FOXRED1: variants seen among roughly 807,000 people sequenced by gnomAD.
FOXRED1 encodes the protein FAD-dependent oxidoreductase domain-containing protein 1.
Under a neutral mutation model 57.8 loss-of-function variants are expected in FOXRED1, and 52 were observed. The observed-to-expected ratio is 0.90, with a 90% CI of 0.72 to 1.13. FOXRED1 has a LOEUF of 1.13. Ranked by LOEUF, FOXRED1 falls within the 50% of genes most tolerant of loss-of-function variation. The probability of loss-of-function intolerance (pLI) is 0.00; values close to 1 mark genes in which losing one functional copy is unlikely to be tolerated. For synonymous variants in FOXRED1, 271 were observed against 248.3 expected, an observed-to-expected ratio of 1.09 and a Z score of -0.86; for missense variants, 589 against 625.2, an observed-to-expected ratio of 0.94 and a Z score of 0.62.
chr11:126,275,128 C>G lies in FOXRED1; in HGVS notation c.631+107C>G, dbSNP rs966324593. ...CCACAGCCAAGCTGAAGGAGGAACACTTCCCTCCTGTGTCACGGGAACTGC... is the reference window on the plus strand; with the variant it reads ...CCACAGCCAAGCTGAAGGAGGAACAGTTCCCTCCTGTGTCACGGGAACTGC... On this transcript the variant is annotated intron_variant, in intron 5 of 10. Coordinates refer to ENST00000263578, the MANE Select transcript of FOXRED1 (RefSeq NM_017547.4). This position sits in a 1 kb window ranked among gnomAD's most constrained non-coding sequence, Gnocchi z 5.9. 1 of 853,236 alleles carries G rather than the reference C, an allele frequency of 1.2e-6. No individual in the cohort carries two copies. The highest frequency in any genetic ancestry group is 2.0e-6 in the Non-Finnish European group (1 of 501,748). The allele number at this position is 853,236 out of a possible 1,614,324, so 52.9% of individuals were successfully genotyped here.
rs1380253796 is a variant in FOXRED1, at chr11:126,277,995, G to A, written c.*306G>A. The A allele has an allele frequency of 1.7e-6, 1 of 589,476 alleles. No individual in the cohort carries two copies. Among genetic ancestry groups the A allele is most frequent in the South Asian group, 1.5e-5 (1 of 65,714 alleles). The allele number at this position is 589,476 out of a possible 1,614,324, so 36.5% of individuals were successfully genotyped here. A position where few individuals can be genotyped will look rare whatever the true frequency, so the allele number is the denominator to read the frequency against. On this transcript the variant is annotated 3_prime_UTR_variant, in exon 11 of 11. Transcript: ENST00000263578. The surrounding 1 kb of genome is among the most constrained non-coding windows in gnomAD (Gnocchi z 6.8). ...ACTGGCTTCATCCTGGCACTGACCA[G>A]GAAAGACTGCCTCTGACCCTCTTAG...
chr11:126,271,814 C>T lies in FOXRED1; in HGVS notation c.306+157C>T, dbSNP rs1353812369. Reference sequence around the variant, plus strand: ...GCTTTGGACTTTGTTGAGAAATTTTCCTAGGATCTTCCTCAGTCGAACCAG... The same window carrying T: ...GCTTTGGACTTTGTTGAGAAATTTTTCTAGGATCTTCCTCAGTCGAACCAG... On this transcript the variant is annotated intron_variant, in intron 2 of 10. Transcript: ENST00000263578. The surrounding 1 kb of genome is among the most constrained non-coding windows in gnomAD (Gnocchi z 5.3). The T allele has an allele frequency of 4.3e-6, 3 of 693,756 alleles. No homozygotes were observed. The highest frequency in any genetic ancestry group is 7.7e-6 in the Non-Finnish European group (3 of 387,634). The allele number at this position is 693,756 out of a possible 1,614,324, so 43.0% of individuals were successfully genotyped here.
rs1951103479 is a variant in FOXRED1, at chr11:126,275,469, C to T, written c.733+41C>T. The stretch of plus-strand genomic sequence containing the variant: ...TTTCCTCTAGCAACCGGGGCATAGG[C>T]CTAGACTAGGTCTTATCTTCTCACT... On this transcript the variant is annotated intron_variant, in intron 6 of 10. Coordinates refer to ENST00000263578, the MANE Select transcript of FOXRED1 (RefSeq NM_017547.4). This position sits in a 1 kb window ranked among gnomAD's most constrained non-coding sequence, Gnocchi z 5.9. 7.4e-7 allele frequency: 1 copy of T among 1,349,088 alleles called. No individual in the cohort carries two copies. Among genetic ancestry groups the T allele is most frequent in the African/African-American group, 1.4e-5 (1 of 69,908 alleles). 83.6% of individuals were successfully genotyped at this position (1,349,088 alleles called of 1,614,324 possible).
chr11:126,271,809 A>C lies in FOXRED1; in HGVS notation c.306+152A>C. The C allele has an allele frequency of 5.7e-6, 4 of 707,742 alleles. No individual in the cohort carries two copies. The highest frequency in any genetic ancestry group is 1.0e-5 in the Non-Finnish European group (4 of 398,962). The allele number at this position is 707,742 out of a possible 1,614,324, so 43.8% of individuals were successfully genotyped here. A position where few individuals can be genotyped will look rare whatever the true frequency, so the allele number is the denominator to read the frequency against. ...ATTGTGCTTTGGACTTTGTTGAGAA[A>C]TTTTCCTAGGATCTTCCTCAGTCGA... is the stretch of plus-strand genomic sequence containing the variant. On this transcript the variant is annotated intron_variant, in intron 2 of 10. Transcript: ENST00000263578. The surrounding 1 kb of genome is among the most constrained non-coding windows in gnomAD (Gnocchi z 5.3).
At chr11:126,269,565 G>T (rs1950918193) in intron 1 of FOXRED1, 1 of 653,932 alleles carries the variant, frequency 1.5e-6, no homozygotes, top group Non-Finnish European at 2.7e-6. Flanking sequence ...ATTAAGTCCT[G>T]CCCGTGTTCA....
At position 126,277,725 on chromosome 11, in the gene FOXRED1, T is replaced by C. The variant is rs1449578166; in HGVS notation, c.*36T>C. On this transcript the variant is annotated 3_prime_UTR_variant, in exon 11 of 11. Coordinates refer to ENST00000263578, the MANE Select transcript of FOXRED1 (RefSeq NM_017547.4). This position sits in a 1 kb window ranked among gnomAD's most constrained non-coding sequence, Gnocchi z 6.8. ...TCTGCACTGGCTCCACTGGCTTGCATCCTGGCTGTGTTCACAGCCTTGTTT... is the reference window on the plus strand; with the variant it reads ...TCTGCACTGGCTCCACTGGCTTGCACCCTGGCTGTGTTCACAGCCTTGTTT... The C allele has an allele frequency of 5.0e-6, 8 of 1,610,976 alleles. No homozygotes were observed. The highest frequency in any genetic ancestry group is 6.8e-6 in the Non-Finnish European group (8 of 1,178,142).
In FOXRED1 at chr11:126,274,604, C is replaced by T. The variant is rs139736373; in HGVS notation, c.537-323C>T. ...AGGAGGTTGCAGTGAGCCAAGATCG[C>T]GCCACTGCACTCCAGCCTGGGTGAC... On this transcript the variant is annotated intron_variant, in intron 4 of 10. Transcript: ENST00000263578. The surrounding 1 kb of genome is among the most constrained non-coding windows in gnomAD (Gnocchi z 4.8). 499 of 347,790 alleles carry T rather than the reference C, an allele frequency of 1.4e-3. 1 individual carries two copies. The East Asian group carries it at 0.015, about 10-fold the overall frequency. 21.5% of individuals were successfully genotyped at this position (347,790 alleles called of 1,614,324 possible). A position where few individuals can be genotyped will look rare whatever the true frequency, so the allele number is the denominator to read the frequency against.
intron 1 of FOXRED1, among the ~76,000 whole-genome samples, chr11:126,269,861 C>T (rs1041228244): frequency 6.6e-6 from 1 of 151,812 alleles, no homozygotes; most frequent in Non-Finnish European, 1.5e-5. Flanking sequence ...GTGGTGGGCT[C>T]CTGTAATCCC....
rs1951030766 is a variant in FOXRED1 at position 126,272,979 on chromosome 11, C to G, written c.317C>G (p.Ala106Gly). Residue 106 changes from alanine (A) to glycine (G), a missense_variant, in exon 3 of 11, where the codon GCC (alanine) becomes GGC (glycine). Ala to Gly is a moderately conservative substitution (Grantham distance 60, BLOSUM62 0). Coordinates refer to ENST00000263578, the MANE Select transcript of FOXRED1 (RefSeq NM_017547.4). The surrounding 1 kb of genome is among the most constrained non-coding windows in gnomAD (Gnocchi z 4.6). The part of the protein sequence containing the change: ...VVERDHTYSQ[A>G]STGLSVGGIC... ...CTTGTCTTTCCACAGTATTCACAGG[C>G]CTCCACTGGGCTCTCAGTAGGTGGG... 6.4e-7 allele frequency: 1 copy of G among 1,558,014 alleles called. No individual in the cohort carries two copies. Among genetic ancestry groups the G allele is most frequent in the Non-Finnish European group, 8.9e-7 (1 of 1,128,798 alleles).
rs762365627 is a variant in FOXRED1 at position 126,276,516 on chromosome 11, C to T, written c.1094C>T (p.Pro365Leu). ...LGSNYLGGRS[P>L]TEQEEPDPAN... is the part of the protein sequence containing the mutation. ...AGCAACTACCTAGGTGGTCGTAGCC[C>T]CACTGAGGTAAGCTGAGTGGGGTGG... Residue 365 changes from proline (P) to leucine (L), a missense_variant, in exon 9 of 11, where the codon CCC becomes CTC. By Grantham distance (98) the Pro-to-Leu change is moderately conservative. Coordinates refer to ENST00000263578, the MANE Select transcript of FOXRED1 (RefSeq NM_017547.4). 2.5e-6 allele frequency: 4 copies of T among 1,606,114 alleles called. No individual in the cohort carries two copies. The highest frequency in any genetic ancestry group is 2.2e-5 in the South Asian group (2 of 90,980).
At position 126,274,647 on chromosome 11, in the gene FOXRED1, A is replaced by G. The variant is rs1951080973; in HGVS notation, c.537-280A>G. On this transcript the variant is annotated intron_variant, in intron 4 of 10. Coordinates refer to ENST00000263578, the MANE Select transcript of FOXRED1 (RefSeq NM_017547.4). This position sits in a 1 kb window ranked among gnomAD's most constrained non-coding sequence, Gnocchi z 4.8. ...TGGGTGACAGAGCCAGACTCATTGA[A>G]AAAAAAAAAAAGAAGTCATGGAATA... 3.0e-6 allele frequency: 1 copy of G among 331,598 alleles called. No homozygotes were observed. Among genetic ancestry groups the G allele is most frequent in the East Asian group, 6.9e-5 (1 of 14,598 alleles). The allele number at this position is 331,598 out of a possible 1,614,324, so 20.5% of individuals were successfully genotyped here.
Position 126,275,253 on chromosome 11 carries a change from G to C in FOXRED1, c.632-74G>C. 8.8e-7 allele frequency: 1 copy of C among 1,142,312 alleles called. No homozygotes were observed. Among genetic ancestry groups the C allele is most frequent in the South Asian group, 1.2e-5 (1 of 81,174 alleles). 70.8% of individuals were successfully genotyped at this position (1,142,312 alleles called of 1,614,324 possible). On this transcript the variant is annotated intron_variant, in intron 5 of 10. Coordinates refer to ENST00000263578, the MANE Select transcript of FOXRED1 (RefSeq NM_017547.4). The surrounding 1 kb of genome is among the most constrained non-coding windows in gnomAD (Gnocchi z 5.9). ...GGCTTACAAGCCCTAGAGAGGGGTT[G>C]GGGGGCACAGGAAATACAATCCAAG...
chr11:126,270,946 T>A, intron 1 of FOXRED1: 1 of 196,856 alleles, frequency 5.1e-6, no homozygotes, highest in South Asian at 8.7e-5. Context: ...GATTGAGGAG[T>A]TACTTGGAAG....
Position 126,278,118 on chromosome 11 carries a change from A to G in FOXRED1, c.*429A>G. ...TATCCATTAATCAATACATGTAATT[A>G]ACTCCTTCCCTCCAGTCTTCTGTCT... is the stretch of plus-strand genomic sequence containing the variant. On this transcript the variant is annotated 3_prime_UTR_variant, in exon 11 of 11. Transcript: ENST00000263578. This position sits in a 1 kb window ranked among gnomAD's most constrained non-coding sequence, Gnocchi z 4.8. 2.2e-6 allele frequency: 1 copy of G among 460,934 alleles called. No homozygotes were observed. The highest frequency in any genetic ancestry group is 4.3e-6 in the Non-Finnish European group (1 of 231,712). 28.6% of individuals were successfully genotyped at this position (460,934 alleles called of 1,614,324 possible).
Position 126,277,775 on chromosome 11 carries a change from G to T in FOXRED1, c.*86G>T, listed in dbSNP as rs750122600. ...TGCTGCTTCCATCTTCCCCAGTACT[G>T]TGCCAGGCCTTCTCCCCCTCCCCAG... On this transcript the variant is annotated 3_prime_UTR_variant, in exon 11 of 11. Coordinates refer to ENST00000263578, the MANE Select transcript of FOXRED1 (RefSeq NM_017547.4). The surrounding 1 kb of genome is among the most constrained non-coding windows in gnomAD (Gnocchi z 6.8). 3 of 1,444,754 alleles carry T rather than the reference G, an allele frequency of 2.1e-6. No homozygotes were observed. In the South Asian group the frequency reaches 3.4e-5, roughly 17 times the overall value. 89.5% of individuals were successfully genotyped at this position (1,444,754 alleles called of 1,614,324 possible).
Position 126,271,692 on chromosome 11 carries a change from G to T in FOXRED1, c.306+35G>T. On this transcript the variant is annotated intron_variant, in intron 2 of 10. Transcript: ENST00000263578. The surrounding 1 kb of genome is among the most constrained non-coding windows in gnomAD (Gnocchi z 5.3). ...GGGGTAGGGCAGAGTCATGAGTGGGGCAAGAAAGATGACTCATTTTATTAA... is the reference window on the plus strand; with the variant it reads ...GGGGTAGGGCAGAGTCATGAGTGGGTCAAGAAAGATGACTCATTTTATTAA... 1 of 1,528,766 alleles carries T rather than the reference G, an allele frequency of 6.5e-7. No individual in the cohort carries two copies. Among genetic ancestry groups the T allele is most frequent in the Non-Finnish European group, 9.1e-7 (1 of 1,104,058 alleles). The allele number at this position is 1,528,766 out of a possible 1,614,324, so 94.7% of individuals were successfully genotyped here.
chr11:126,274,964 C>T lies in FOXRED1; in HGVS notation c.574C>T (p.Gln192Ter), dbSNP rs187124232. 1 of 1,613,696 alleles carries T rather than the reference C, an allele frequency of 6.2e-7. No homozygotes were observed. Among genetic ancestry groups the T allele is most frequent in the East Asian group, 2.2e-5 (1 of 44,876 alleles). The change falls in exon 5 of 11, where the codon CAG becomes TAG. Residue 192 changes from glutamine to a stop codon, truncating the protein, a stop_gained. Transcript: ENST00000263578. LOFTEE classifies it high-confidence loss of function. The surrounding 1 kb of genome is among the most constrained non-coding windows in gnomAD (Gnocchi z 4.8). ...GAKVSLMSPD[Q>*]LRNKFPWINT... ...CAAAGTTTCTCTGATGTCTCCTGAT[C>T]AGCTTCGGAACAAGTTTCCCTGGAT...
chr11:126,276,587 G>A, intron 9 of FOXRED1, 64 bp downstream of exon 9: 1 of 1,568,974 alleles, frequency 6.4e-7, no homozygotes, highest in Non-Finnish European at 8.7e-7. Context: ...GAAACAATCA[G>A]GCTTTTGGCC....
Position 126,276,109 on chromosome 11 carries a change from G to T in FOXRED1, c.861G>T (p.Val287=), listed in dbSNP as rs752020360. The T allele has an allele frequency of 6.2e-7, 1 of 1,612,802 alleles. No individual in the cohort carries two copies. Among genetic ancestry groups the T allele is most frequent in the Non-Finnish European group, 8.5e-7 (1 of 1,179,994 alleles). Residue 287 remains valine (V), a synonymous_variant, in exon 8 of 11, where the codon GTG becomes GTT. Transcript: ENST00000263578. ...ACCAGCCTGTGGAATGCGCCATTGT[G>T]ATCAACGCAGCCGGAGCCTGGTCTG... ...LEYQPVECAI[V]INAAGAWSAQ...
Sources: allele counts gnomAD v4.1 joint callset (sites outside exome capture counted in the v4.1 genomes callset), GRCh38; gene constraint gnomAD v4.1.1; non-coding constraint Gnocchi (gnomAD v3.1); transcripts MANE v1.5; gene names NCBI Gene and HGNC (gene_info 2026-07-23, HGNC 2026-07-21).